Variants in DYNC2I1 observed in about 807,000 individuals in gnomAD.
DYNC2I1 encodes dynein 2 intermediate chain 1, also known as cytoplasmic dynein 2 intermediate chain 1.
Under a neutral mutation model 133.4 loss-of-function variants are expected in DYNC2I1, and 89 were observed. That is an observed-to-expected ratio of 0.67 (90% CI 0.56 to 0.80). The LOEUF is 0.80. DYNC2I1 is among the 30% of genes least tolerant of loss of function. DYNC2I1 has a pLI of 0.00. For missense variants in DYNC2I1, 1,291 were observed against 1,314.5 expected, an observed-to-expected ratio of 0.98 and a Z score of 0.28; for synonymous variants, 504 against 484.3, an observed-to-expected ratio of 1.04 and a Z score of -0.54.
intron 1 of DYNC2I1, among the ~76,000 whole-genome samples, chr7:158,869,207 G>A (rs1257289728): frequency 6.6e-6 from 1 of 152,018 alleles, no homozygotes; most frequent in Non-Finnish European, 1.5e-5. Flanking sequence ...GGCATCTGCT[G>A]TGAGGGACCC....
intron 21 of DYNC2I1, 38 bp downstream of exon 21, chr7:158,930,553 G>A: frequency 6.4e-7 from 1 of 1,563,274 alleles, no homozygotes. Context: ...ATCTCACAAA[G>A]ACCTAGAAGG....
chr7:158,863,262 T>C (rs1842036553), intron 1 of DYNC2I1, among the ~76,000 whole-genome samples: 1 of 152,072 alleles, frequency 6.6e-6, no homozygotes, highest in Admixed American at 6.5e-5. Context: ...AACCTTTAGC[T>C]AGACGCAGAG....
intron 20 of DYNC2I1, among the ~76,000 whole-genome samples, chr7:158,927,408 TAA>T (rs71189436): frequency 4.2e-5 from 6 of 142,956 alleles, no homozygotes; most frequent in African/African-American, 7.7e-5. Context: ...GTCTCTCTGT[TAA>T]AAAAAAAAAA....
chr7:158,932,778 A>G (rs1318669113), intron 21 of DYNC2I1, among the ~76,000 whole-genome samples: 1 of 152,160 alleles, frequency 6.6e-6, no homozygotes, highest in Non-Finnish European at 1.5e-5. Context: ...AAAGGCAGCA[A>G]TTACAGGTAC....
At chr7:158,953,873 G>T (rs1852126208) in intron 4 of DYNC2I1, among the ~76,000 whole-genome samples, 2 of 151,914 alleles carry the variant, frequency 1.3e-5, no homozygotes, top group South Asian at 2.1e-4. Context: ...AAATTAGCTT[G>T]GGGAAGGTGG....
Position 158,908,632 on chromosome 7 carries a change from A to G in DYNC2I1, c.1460+2541A>G, listed in dbSNP as rs114654788. Among the ~76,000 whole-genome samples, 1,062 of 152,322 alleles carry G rather than the reference A, an allele frequency of 7.0e-3. 10 individuals are homozygous for G. The highest frequency in any genetic ancestry group is 0.024 in the African/African-American group (1,004 of 41,582). ...ACTAATTTGGGTATTAAACAGAAGGATGTGACACAGGGAGTGAATTCCTTA... is the reference window on the plus strand; with the variant it reads ...ACTAATTTGGGTATTAAACAGAAGGGTGTGACACAGGGAGTGAATTCCTTA... On this transcript the variant is annotated intron_variant, in intron 11 of 24. Coordinates refer to ENST00000407559, the MANE Select transcript of DYNC2I1 (RefSeq NM_018051.5).
the DYNC2I1 span, among the ~76,000 whole-genome samples, chr7:158,848,653 G>C: frequency 4.3e-3 from 649 of 152,004 alleles, 3 homozygotes; most frequent in African/African-American, 0.015. Flanking sequence ...GGCCGGGCGC[G>C]GTGACTCACG....
At chr7:158,853,041 T>C (rs115496394), upstream of DYNC2I1, among the ~76,000 whole-genome samples, 1,758 of 152,338 alleles carry the variant, frequency 0.012, 32 homozygotes, top group African/African-American at 0.04. Flanking sequence ...TTTAATTGGC[T>C]ACAAGTCTTT....
Position 158,922,433 on chromosome 7 carries a change from G to A in DYNC2I1, c.1978G>A (p.Val660Ile), listed in dbSNP as rs374436641. 38 of 1,613,880 alleles carry A rather than the reference G, an allele frequency of 2.4e-5. No homozygotes were observed. The Middle Eastern group carries it at 1.2e-3, about 49-fold the overall frequency. ...AGTTCAGAGGCAGATGGTGGTCTCC[G>A]TTCACGACTTACCCGAGAAGAGCTT... is the stretch of plus-strand genomic sequence containing the variant. ...SRVQRQMVVS[V>I]HDLPEKSFVP... The change falls in exon 16 of 25, where the codon GTT becomes ATT. Residue 660 changes from valine to isoleucine, a missense_variant. Transcript: ENST00000407559.
intron 15 of DYNC2I1, among the ~76,000 whole-genome samples, chr7:158,922,127 G>A (rs553052623): frequency 3.3e-5 from 5 of 152,308 alleles, no homozygotes; most frequent in Admixed American, 6.5e-5. Context: ...GGAGTCGCTC[G>A]TGGAGCCACA....
rs1843388120 is a variant in DYNC2I1 at position 158,876,681 on chromosome 7, GAGAA to G, written c.570_573del (p.Arg190SerfsTer127). The stretch of plus-strand genomic sequence containing the variant: ...GATGAAGATAGAGAAAGAAGATACC[GAGAA>G]AGAAAGGTATACGAAGCAAGGCCTG... On this transcript the variant is annotated frameshift_variant, in exon 4 of 25. Transcript: ENST00000407559. LOFTEE classifies it high-confidence loss of function. 3 of 1,569,632 alleles carry G rather than the reference GAGAA, an allele frequency of 1.9e-6. No individual in the cohort carries two copies. The highest frequency in any genetic ancestry group is 2.6e-6 in the Non-Finnish European group (3 of 1,165,300).
At chr7:158,861,923 G>C (rs1841899571) in intron 1 of DYNC2I1, among the ~76,000 whole-genome samples, 1 of 152,188 alleles carries the variant, frequency 6.6e-6, no homozygotes, top group African/African-American at 2.4e-5. Context: ...TGGATAGGCT[G>C]CATTTCATAA....
At chr7:158,943,317 T>C (rs953698331) in intron 24 of DYNC2I1, among the ~76,000 whole-genome samples, 3 of 152,232 alleles carry the variant, frequency 2.0e-5, no homozygotes, top group African/African-American at 7.2e-5. Context: ...TAAACACATT[T>C]ACCCAGCACC....
the DYNC2I1 span, among the ~76,000 whole-genome samples, chr7:158,845,151 A>ATTG: frequency 6.6e-6 from 1 of 151,862 alleles, no homozygotes; most frequent in Non-Finnish European, 1.5e-5. Context: ...CAACTGGTTT[A>ATTG]TTGTTGTTGT....
chr7:158,948,083 T>C (rs1184348616), downstream of DYNC2I1, among the ~76,000 whole-genome samples: 1 of 152,204 alleles, frequency 6.6e-6, no homozygotes, highest in Admixed American at 6.5e-5. Flanking sequence ...CAGCCTGCCC[T>C]GGCGCTAGCG....
rs1350151490 is a variant in DYNC2I1, at chr7:158,946,102, A to T, written c.*323A>T. On this transcript the variant is annotated 3_prime_UTR_variant, in exon 25 of 25. Coordinates refer to ENST00000407559, the MANE Select transcript of DYNC2I1 (RefSeq NM_018051.5). ...ATTACTGCTAGATTTTAAACAGCCT[A>T]CCATGAAAATGTATCTTAATGAACT... 1 of 196,756 alleles carries T rather than the reference A, an allele frequency of 5.1e-6. No individual in the cohort carries two copies. The highest frequency in any genetic ancestry group is 2.3e-5 in the African/African-American group (1 of 43,238). 12.2% of individuals were successfully genotyped at this position (196,756 alleles called of 1,614,324 possible). A position where few individuals can be genotyped will look rare whatever the true frequency, so the allele number is the denominator to read the frequency against.
intron 23 of DYNC2I1, among the ~76,000 whole-genome samples, chr7:158,937,384 T>C (rs1441099911): frequency 2.6e-5 from 4 of 152,066 alleles, no homozygotes; most frequent in Non-Finnish European, 4.4e-5. Context: ...CCCAGCACTT[T>C]GGGAGGCCGA....
In DYNC2I1 at chr7:158,883,520, T is replaced by C. The variant is rs564598634; in HGVS notation, c.880-1044T>C. 5.7e-4 allele frequency among the ~76,000 whole-genome samples: 87 copies of C among 152,050 alleles called. 3 individuals are homozygous for C. Among genetic ancestry groups the C allele is most frequent in the African/African-American group, 2.0e-3 (83 of 41,508 alleles). ...GGTGTGAGTCATGGTGCCTGGCCTCTATATGATTTTTGATCCATGATTTTA... is the reference window on the plus strand; with the variant it reads ...GGTGTGAGTCATGGTGCCTGGCCTCCATATGATTTTTGATCCATGATTTTA... On this transcript the variant is annotated intron_variant, in intron 5 of 24. Coordinates refer to ENST00000407559, the MANE Select transcript of DYNC2I1 (RefSeq NM_018051.5).
chr7:158,884,607 G>A lies in DYNC2I1; in HGVS notation c.923G>A (p.Gly308Glu), dbSNP rs369219811. The change falls in exon 6 of 25, where the codon GGG becomes GAG. Residue 308 changes from glycine (G) to glutamate (E), a missense_variant. By Grantham distance (98) the Gly-to-Glu change is moderately conservative. Coordinates refer to ENST00000407559, the MANE Select transcript of DYNC2I1 (RefSeq NM_018051.5). ...RNRGASSKRD[G>E]TSSQHAENLV... ...CGAGGTGCAAGCTCAAAAAGAGATG[G>A]GACCAGCAGCCAGTAAGGATTGCAT... 6.2e-7 allele frequency: 1 copy of A among 1,613,094 alleles called. No individual in the cohort carries two copies.
Sources: gnomAD v4.1 joint callset for allele counts (sites outside exome capture counted in the v4.1 genomes callset) on GRCh38, gnomAD v4.1.1 for gene constraint, MANE v1.5 for transcripts, NCBI Gene and HGNC (gene_info 2026-07-23, HGNC 2026-07-21) for gene names.